The following DHX30 variants were observed in gnomAD, a reference collection of about 807,000 sequenced individuals.
The protein encoded by DHX30 is DExH-box helicase 30.
A neutral mutation model predicts 116.9 loss-of-function variants in DHX30; 4 were observed. The ratio of observed to expected loss-of-function variants is 0.03; its 90% CI spans 0.02 to 0.08. The LOEUF is 0.08. DHX30 is among the 10% of genes least tolerant of loss of function. The probability of loss-of-function intolerance (pLI) is 1.00; values close to 1 mark genes in which losing one functional copy is unlikely to be tolerated. For missense variants in DHX30, 871 were observed against 1,595.1 expected, an observed-to-expected ratio of 0.55 and a Z score of 7.73; for synonymous variants, 697 against 651.7, an observed-to-expected ratio of 1.07 and a Z score of -1.06.
At chr3:47,826,508 C>T (rs1379343346) in intron 4 of DHX30, among the ~76,000 whole-genome samples, 5 of 149,094 alleles carry the variant, frequency 3.4e-5, no homozygotes, top group African/African-American at 9.9e-5. Context: ...TGCAGTGGCG[C>T]GATCTTGCCT....
chr3:47,815,857 T>C lies in DHX30; in HGVS notation c.29-2165T>C, dbSNP rs917221470. ...GGTACATGGTCAGAAGTGGGCTCAG[T>C]GAAGTTATGGGATTGTAACAACTCT... is the stretch of plus-strand genomic sequence containing the variant. On this transcript the variant is annotated intron_variant, in intron 3 of 21. Coordinates refer to ENST00000445061, the MANE Select transcript of DHX30 (RefSeq NM_138615.3). 3.3e-6 allele frequency: 3 copies of C among 901,262 alleles called. No homozygotes were observed. In the African/African-American group the frequency reaches 5.5e-5, roughly 16 times the overall value. 55.8% of individuals were successfully genotyped at this position (901,262 alleles called of 1,614,324 possible). A position where few individuals can be genotyped will look rare whatever the true frequency, so the allele number is the denominator to read the frequency against.
intron 6 of DHX30, among the ~76,000 whole-genome samples, chr3:47,838,422 C>T (rs564071575): frequency 6.6e-6 from 1 of 152,190 alleles, no homozygotes; most frequent in Non-Finnish European, 1.5e-5. Flanking sequence ...GATTTACATC[C>T]TTTTGCCAAG....
chr3:47,810,751 T>C, intron 3 of DHX30, 40 bp downstream of exon 3: 1 of 1,591,930 alleles, frequency 6.3e-7, no homozygotes, highest in Non-Finnish European at 8.6e-7. Context: ...TGCCCTTCCT[T>C]ATTGGGATGG....
chr3:47,846,058 G>GCAC (rs2037591653), intron 10 of DHX30, 107 bp from the exon 11 acceptor site: 2 of 1,415,056 alleles, frequency 1.4e-6, no homozygotes, highest in East Asian at 4.6e-5. Flanking sequence ...CCTCTGCCCA[G>GCAC]CGGGTTGGGC....
At chr3:47,827,545 C>T in intron 5 of DHX30, 68 bp downstream of exon 5, 1 of 1,543,352 alleles carries the variant, frequency 6.5e-7, no homozygotes, top group Non-Finnish European at 8.7e-7. Flanking sequence ...TCCTTTCTGT[C>T]TTAGGTTTCT....
rs1225325739 is a variant in DHX30 at position 47,847,891 on chromosome 3, A to G, written c.2221A>G (p.Asn741Asp). 6.2e-7 allele frequency: 1 copy of G among 1,614,034 alleles called. No individual in the cohort carries two copies. The highest frequency in any genetic ancestry group is 2.2e-5 in the East Asian group (1 of 44,892). The part of the protein sequence containing the change: ...TNIAETSITI[N>D]DIVHVVDSGL... ...CATTGCTGAGACTTCCATCACAATC[A>G]ATGACATCGTGCATGTGGTGGACAG... The change falls in exon 14 of 22, where the codon AAT becomes GAT. Residue 741 changes from asparagine to aspartate, a missense_variant. Around this residue, in one of 13 missense-constraint regions of DHX30, gnomAD observed 20 missense variants for 82.2 expected, o/e 0.24. Coordinates refer to ENST00000445061, the MANE Select transcript of DHX30 (RefSeq NM_138615.3). The surrounding 1 kb of genome is among the most constrained non-coding windows in gnomAD (Gnocchi z 5.5).
At position 47,847,442 on chromosome 3, in the gene DHX30, G is replaced by T; in HGVS notation, c.2016G>T (p.Leu672=). 1.2e-6 allele frequency: 2 copies of T among 1,613,040 alleles called. No homozygotes were observed. The highest frequency in any genetic ancestry group is 1.7e-6 in the Non-Finnish European group (2 of 1,179,142). The change falls in exon 13 of 22, where the codon CTG becomes CTT. Residue 672 remains leucine (L), a synonymous_variant. Transcript: ENST00000445061. This position sits in a 1 kb window ranked among gnomAD's most constrained non-coding sequence, Gnocchi z 5.5. ...AGGGCTCCTTTACAGGTGGGATCCT[G>T]TGCTTCCTGCCTGGGTGGCAGGAGA... ...IDARGEPGGI[L]CFLPGWQEIK... is the part of the protein sequence containing the mutation.
At chr3:47,808,037 C>T (rs868464977) in intron 2 of DHX30, among the ~76,000 whole-genome samples, 1 of 151,114 alleles carries the variant, frequency 6.6e-6, no homozygotes, top group Admixed American at 6.6e-5. Flanking sequence ...CAGCCTCCCA[C>T]GTAGTTGGGA....
chr3:47,847,983 A>T lies in DHX30; in HGVS notation c.2286+27A>T. 1 of 1,610,512 alleles carries T rather than the reference A, an allele frequency of 6.2e-7. No individual in the cohort carries two copies. The highest frequency in any genetic ancestry group is 2.2e-5 in the East Asian group (1 of 44,792). On this transcript the variant is annotated intron_variant, in intron 14 of 21. Coordinates refer to ENST00000445061, the MANE Select transcript of DHX30 (RefSeq NM_138615.3). This position sits in a 1 kb window ranked among gnomAD's most constrained non-coding sequence, Gnocchi z 5.5. ...TGGCACCTACCTCCTGGGCCCGGCCAACCACTGGGGGAGGGACTCCGTTTT... is the reference window on the plus strand; with the variant it reads ...TGGCACCTACCTCCTGGGCCCGGCCTACCACTGGGGGAGGGACTCCGTTTT...
At position 47,806,486 on chromosome 3, in the gene DHX30, C is replaced by T. The variant is rs555316044; in HGVS notation, c.-28+1066C>T. Among the ~76,000 whole-genome samples, 7 of 146,560 alleles carry T rather than the reference C, an allele frequency of 4.8e-5. No individual in the cohort carries two copies. In the Admixed American group the frequency reaches 4.8e-4, roughly 10 times the overall value. On this transcript the variant is annotated intron_variant, in intron 2 of 21. Transcript: ENST00000445061. ...TCTGAGATGGAGTCTCACTCTGTCA[C>T]CCAGGCTGGAGTACAGTGGTGCAAT...
At chr3:47,821,408 G>A (rs1307837796) in intron 4 of DHX30, among the ~76,000 whole-genome samples, 2 of 152,094 alleles carry the variant, frequency 1.3e-5, no homozygotes, top group African/African-American at 4.8e-5. Flanking sequence ...GGGGAATACA[G>A]GCATGTGCCA....
rs764629178 is a variant in DHX30, at chr3:47,849,001, C to T, written c.2851C>T (p.Arg951Cys). 5 of 1,613,480 alleles carry T rather than the reference C, an allele frequency of 3.1e-6. No individual in the cohort carries two copies. The highest frequency in any genetic ancestry group is 3.4e-6 in the Non-Finnish European group (4 of 1,179,850). Residue 951 changes from arginine to cysteine, a missense_variant, in exon 18 of 22, where the codon CGT becomes TGT. Transcript: ENST00000445061. ...TGTCGCCGGCTGGGAGGAGGTGCTG[C>T]GTTGGCAGGACCGCAGCTCCCGGGA... ...RAVAGWEEVL[R>C]WQDRSSRENY...
Position 47,849,489 on chromosome 3 carries a change from G to A in DHX30, c.3126G>A (p.Lys1042=), listed in dbSNP as rs891216325. ...QGKVTRQGKF[K]PNSVTYRTKS... Reference sequence around the variant, plus strand: ...AGGTCACCCGGCAGGGGAAGTTCAAGCCCAACAGCGTCACATATAGGACCA... The same window carrying A: ...AGGTCACCCGGCAGGGGAAGTTCAAACCCAACAGCGTCACATATAGGACCA... The change falls in exon 20 of 22, where the codon AAG becomes AAA. Residue 1042 remains lysine (K), a synonymous_variant. Transcript: ENST00000445061. The A allele has an allele frequency of 3.8e-6, 6 of 1,585,398 alleles. No homozygotes were observed. The African/African-American group carries it at 6.7e-5, about 18-fold the overall frequency.
intron 6 of DHX30, among the ~76,000 whole-genome samples, chr3:47,830,380 G>A (rs1415651661): frequency 2.6e-5 from 4 of 151,468 alleles, no homozygotes; most frequent in African/African-American, 9.7e-5. Context: ...CCTGGGAGGC[G>A]GAGGTTGCAG....
chr3:47,841,661 C>A lies in DHX30; in HGVS notation c.713C>A (p.Ala238Asp). The change falls in exon 8 of 22, where the codon GCT (alanine) becomes GAT (aspartate). Residue 238 changes from alanine to aspartate, a missense_variant. Around this residue, in one of 13 missense-constraint regions of DHX30, gnomAD observed 175 missense variants for 292.9 expected, o/e 0.60. Transcript: ENST00000445061. ...ACAGATGACGACAGTGCCATTAGGG[C>A]TCTGACCCAGTTTCCACTTCCCAAG... ...EMTDDDSAIRALTQFPLPKNL... is the reference protein window; with the variant it reads ...EMTDDDSAIRDLTQFPLPKNL... 6.2e-7 allele frequency: 1 copy of A among 1,614,260 alleles called. No homozygotes were observed. Among genetic ancestry groups the A allele is most frequent in the Non-Finnish European group, 8.5e-7 (1 of 1,180,048 alleles).
intron 6 of DHX30, among the ~76,000 whole-genome samples, chr3:47,839,811 G>T (rs1198998390): frequency 6.6e-6 from 1 of 151,784 alleles, no homozygotes; most frequent in Admixed American, 6.6e-5. Flanking sequence ...GAGTAGCTGA[G>T]ATTACAGGTG....
At position 47,825,132 on chromosome 3, in the gene DHX30, C is replaced by T. The variant is rs1358151665; in HGVS notation, c.125-2215C>T. ...CCCGCGCTGCTGGGCGACAGGGTCG[C>T]TCGCGCGGCTTCTCTTCAAGCTGCG... On this transcript the variant is annotated intron_variant, in intron 4 of 21. Transcript: ENST00000445061. 5.9e-6 allele frequency: 4 copies of T among 674,150 alleles called. No individual in the cohort carries two copies. The Admixed American group carries it at 8.4e-5, about 14-fold the overall frequency. 41.8% of individuals were successfully genotyped at this position (674,150 alleles called of 1,614,324 possible). A position where few individuals can be genotyped will look rare whatever the true frequency, so the allele number is the denominator to read the frequency against.
intron 5 of DHX30, 35 bp from the exon 6 acceptor site, chr3:47,828,989 G>T: frequency 7.3e-7 from 1 of 1,373,554 alleles, no homozygotes; most frequent in Admixed American, 1.8e-5. Flanking sequence ...AGTCTGGAGT[G>T]GCAAGACTTC....
chr3:47,848,495 G>T lies in DHX30; in HGVS notation c.2520G>T (p.Val840=). The change falls in exon 16 of 22, where the codon GTG becomes GTT. Residue 840 remains valine (V), a synonymous_variant. Coordinates refer to ENST00000445061, the MANE Select transcript of DHX30 (RefSeq NM_138615.3). This position sits in a 1 kb window ranked among gnomAD's most constrained non-coding sequence, Gnocchi z 9.4. ...KTAVEFLSKA[V]DSPNIKAVDE... is the part of the protein sequence containing the mutation. ...CGGTGGAGTTCCTGTCCAAGGCTGTGGACAGTCCAAACATCAAGGCAGTGG... is the reference window on the plus strand; with the variant it reads ...CGGTGGAGTTCCTGTCCAAGGCTGTTGACAGTCCAAACATCAAGGCAGTGG... 2 of 1,614,072 alleles carry T rather than the reference G, an allele frequency of 1.2e-6. No homozygotes were observed. The highest frequency in any genetic ancestry group is 3.3e-5 in the Admixed American group (2 of 60,026).
Sources: gnomAD v4.1 joint callset for allele counts (sites outside exome capture counted in the v4.1 genomes callset) on GRCh38, gnomAD v4.1.1 for gene constraint, gnomAD v4.1.1 regional missense constraint, Gnocchi (gnomAD v3.1) non-coding constraint, MANE v1.5 for transcripts, NCBI Gene and HGNC (gene_info 2026-07-23, HGNC 2026-07-21) for gene names.